The following KIAA2012 variants were observed in gnomAD, a reference collection of about 807,000 sequenced individuals.
The protein encoded by KIAA2012 is KIAA2012, also known as uncharacterized protein KIAA2012.
Under a neutral mutation model 150.6 loss-of-function variants are expected in KIAA2012, and 125 were observed. That is an observed-to-expected ratio of 0.83 (90% CI 0.72 to 0.96). KIAA2012 has a LOEUF of 0.96. Among genes scored for constraint, KIAA2012 ranks in the 40% least tolerant of loss-of-function variants. KIAA2012 has a pLI of 0.00. For missense variants in KIAA2012, 1,219 were observed against 1,354.9 expected, an observed-to-expected ratio of 0.90 and a Z score of 1.57; for synonymous variants, 462 against 504.7, an observed-to-expected ratio of 0.92 and a Z score of 1.13.
intron 19 of KIAA2012, among the ~76,000 whole-genome samples, chr2:202,192,411 T>G (rs910468112): frequency 6.6e-6 from 1 of 151,650 alleles, no homozygotes; most frequent in African/African-American, 2.4e-5. Flanking sequence ...TAAATGTGAA[T>G]CTGACCCATC....
Position 202,201,765 on chromosome 2 carries a change from G to A in KIAA2012, c.3408-664G>A, listed in dbSNP as rs1692531279. On this transcript the variant is annotated intron_variant, in intron 22 of 23. Coordinates refer to ENST00000498697, the MANE Select transcript of KIAA2012 (RefSeq NM_001277372.4). ...GCTTGGATGATAGAGCTCTGAGTAG[G>A]CAGTCGGAGCATCAGTATAGGGTAG... 4.6e-6 allele frequency: 6 copies of A among 1,316,260 alleles called. No homozygotes were observed. In the Admixed American group the frequency reaches 8.4e-5, roughly 18 times the overall value. 81.5% of individuals were successfully genotyped at this position (1,316,260 alleles called of 1,614,324 possible). A position where few individuals can be genotyped will look rare whatever the true frequency, so the allele number is the denominator to read the frequency against.
intron 12 of KIAA2012, among the ~76,000 whole-genome samples, chr2:202,133,543 T>G (rs1304453595): frequency 2.0e-5 from 3 of 152,210 alleles, no homozygotes; most frequent in Non-Finnish European, 4.4e-5. Context: ...ATATTGCCCT[T>G]GCATTTACTG....
intron 12 of KIAA2012, among the ~76,000 whole-genome samples, chr2:202,133,109 A>AAAAATAGATATATATATAT (rs766606713): frequency 1.1e-5 from 1 of 87,886 alleles, no homozygotes; most frequent in African/African-American, 4.7e-5. Flanking sequence ...TCTAAAAAAA[A>AAAAATAGATATATATATAT]ATATATATAT....
intron 13 of KIAA2012, among the ~76,000 whole-genome samples, chr2:202,154,255 T>C (rs191126467): frequency 3.9e-5 from 6 of 152,374 alleles, no homozygotes; most frequent in South Asian, 2.1e-4. Context: ...ACTATATAAG[T>C]ATCAAAAATA....
intron 9 of KIAA2012, among the ~76,000 whole-genome samples, chr2:202,106,247 T>C (rs1458632327): frequency 6.6e-6 from 1 of 152,186 alleles, no homozygotes; most frequent in Non-Finnish European, 1.5e-5. Context: ...CCCTAACTCA[T>C]CCCACCACTA....
At chr2:202,118,068 A>G (rs560008292) in intron 11 of KIAA2012, among the ~76,000 whole-genome samples, 26 of 152,106 alleles carry the variant, frequency 1.7e-4, no homozygotes, top group African/African-American at 6.0e-4. Context: ...CTGAAACAGG[A>G]TTTCAGCCAT....
At chr2:202,100,276 A>G (rs1182793474) in intron 6 of KIAA2012, 31 bp from the exon 7 acceptor site, 2 of 1,542,314 alleles carry the variant, frequency 1.3e-6, no homozygotes, top group Admixed American at 2.0e-5. Context: ...CCTGCAATTA[A>G]TATATTCTCA....
chr2:202,160,285 C>T (rs894842777), intron 14 of KIAA2012, among the ~76,000 whole-genome samples: 1 of 149,876 alleles, frequency 6.7e-6, no homozygotes, highest in African/African-American at 2.4e-5. Context: ...CTTAATAACA[C>T]AAGATACTTT....
intron 14 of KIAA2012, among the ~76,000 whole-genome samples, chr2:202,163,120 T>TC (rs397987359): frequency 8.6e-5 from 13 of 150,410 alleles, no homozygotes; most frequent in African/African-American, 2.9e-4. Context: ...TTTTTTTTTT[T>TC]CAAGATGAAG....
chr2:202,201,776 A>G (rs1201190107), intron 22 of KIAA2012: 13 of 1,312,254 alleles, frequency 9.9e-6, no homozygotes, highest in Non-Finnish European at 1.3e-5. Flanking sequence ...CAGTCGGAGC[A>G]TCAGTATAGG....
At chr2:202,084,490 G>A (rs1341762710) in intron 2 of KIAA2012, among the ~76,000 whole-genome samples, 4 of 152,162 alleles carry the variant, frequency 2.6e-5, no homozygotes, top group Non-Finnish European at 5.9e-5. Flanking sequence ...GTGGAATGTG[G>A]ATAATAGGCC....
Position 202,093,174 on chromosome 2 carries a change from C to G in KIAA2012, c.674C>G (p.Ser225Cys). ...TCATTTTGGATTCAACAAGGAAAAT[C>G]TTTTGAACAACGTACGTGTTGATTT... ...FPSFWIQQGK[S>C]FEQRQQGLDE... The change falls in exon 4 of 24, where the codon TCT becomes TGT. Residue 225 changes from serine to cysteine, a missense_variant. Transcript: ENST00000498697. 2 of 1,551,154 alleles carry G rather than the reference C, an allele frequency of 1.3e-6. No homozygotes were observed. Among genetic ancestry groups the G allele is most frequent in the South Asian group, 1.2e-5 (1 of 84,052 alleles).
intron 15 of KIAA2012, among the ~76,000 whole-genome samples, chr2:202,171,113 AC>A (rs1691878275): frequency 1.5e-3 from 1 of 650 alleles, no homozygotes; most frequent in Non-Finnish European, 3.8e-3. Context: ...AAGAAATACT[AC>A]ACACACACAC....
intron 2 of KIAA2012, among the ~76,000 whole-genome samples, chr2:202,082,338 GACTGAGACCCTGTCTCTGTC>G (rs1472154908): frequency 6.6e-6 from 1 of 152,124 alleles, no homozygotes; most frequent in Non-Finnish European, 1.5e-5. Flanking sequence ...CTGAGTGACA[GACTGAGACCCTGTCTCTGTC>G]TCTCTCTCTC....
chr2:202,091,661 T>C (rs1689727137), intron 3 of KIAA2012, among the ~76,000 whole-genome samples: 1 of 152,118 alleles, frequency 6.6e-6, no homozygotes. Flanking sequence ...GTACTTCTAC[T>C]AAAAAAAATT....
intron 4 of KIAA2012, among the ~76,000 whole-genome samples, chr2:202,096,966 G>A (rs1390058044): frequency 6.6e-6 from 1 of 152,158 alleles, no homozygotes; most frequent in Non-Finnish European, 1.5e-5. Flanking sequence ...CACAAGTAAA[G>A]AGCCAGGAGA....
At chr2:202,125,782 A>C in intron 12 of KIAA2012, 1 of 429,190 alleles carries the variant, frequency 2.3e-6, no homozygotes, top group Non-Finnish European at 4.6e-6. Flanking sequence ...AGATCTGCAA[A>C]AACTGGGAGT....
At chr2:202,172,537 T>G (rs1212020541) in intron 15 of KIAA2012, among the ~76,000 whole-genome samples, 1 of 152,236 alleles carries the variant, frequency 6.6e-6, no homozygotes, top group Non-Finnish European at 1.5e-5. Context: ...TGACAACTAA[T>G]TATTAAAACC....
At chr2:202,113,309 C>G (rs1046096750) in intron 10 of KIAA2012, 27 bp from the exon 11 acceptor site, 1 of 1,520,684 alleles carries the variant, frequency 6.6e-7, no homozygotes, top group African/African-American at 1.4e-5. Context: ...GGTACTGACA[C>G]TGCCTATGCT....
Sources: gnomAD v4.1 joint callset for allele counts (sites outside exome capture counted in the v4.1 genomes callset) on GRCh38, gnomAD v4.1.1 for gene constraint, MANE v1.5 for transcripts, NCBI Gene and HGNC (gene_info 2026-07-23, HGNC 2026-07-21) for gene names.